DNAH11: variants seen among roughly 807,000 people sequenced by gnomAD.
DNAH11 encodes the protein dynein axonemal heavy chain 11, also known as axonemal beta dynein heavy chain 11.
DNAH11 carries 442 observed loss-of-function variants against 526.0 expected under a neutral mutation model. The observed-to-expected ratio is 0.84, with a 90% CI of 0.78 to 0.91. The LOEUF (loss-of-function observed/expected upper bound fraction) is 0.91. DNAH11 is among the 40% of genes least tolerant of loss of function. The probability of loss-of-function intolerance (pLI) is 0.00; values close to 1 mark genes in which losing one functional copy is unlikely to be tolerated. For synonymous variants in DNAH11, 2,461 were observed against 1,935.9 expected, an observed-to-expected ratio of 1.27 and a Z score of -7.12; for missense variants, 6,989 against 5,448.7, an observed-to-expected ratio of 1.28 and a Z score of -8.90.
intron 65 of DNAH11, among the ~76,000 whole-genome samples, chr7:21,828,783 A>G (rs1443706417): frequency 1.4e-5 from 2 of 146,000 alleles, no homozygotes; most frequent in African/African-American, 5.1e-5. Flanking sequence ...TTTGCTGTAC[A>G]ATGTTACCTG....
chr7:21,810,953 AG>A (rs1164895442), intron 63 of DNAH11, among the ~76,000 whole-genome samples: 1 of 152,244 alleles, frequency 6.6e-6, no homozygotes, highest in Non-Finnish European at 1.5e-5. Context: ...AAGAAGTAAA[AG>A]TAGGAATTCA....
Position 21,861,779 on chromosome 7 carries a change from G to T in DNAH11, c.11203-74G>T, listed in dbSNP as rs905478289. On this transcript the variant is annotated intron_variant, in intron 68 of 81. Coordinates refer to ENST00000409508, the MANE Select transcript of DNAH11 (RefSeq NM_001277115.2). Reference sequence around the variant, plus strand: ...CCCTATAGATAAACCTTAAACTGTTGCCCTGTGTATCGGGGGTAGCTAGAC... The same window carrying T: ...CCCTATAGATAAACCTTAAACTGTTTCCCTGTGTATCGGGGGTAGCTAGAC... 3.8e-6 allele frequency: 6 copies of T among 1,569,200 alleles called. No homozygotes were observed. The African/African-American group carries it at 8.2e-5, about 22-fold the overall frequency.
At chr7:21,735,074 G>A (rs1785544312) in intron 45 of DNAH11, among the ~76,000 whole-genome samples, 1 of 151,878 alleles carries the variant, frequency 6.6e-6, no homozygotes, top group Non-Finnish European at 1.5e-5. Flanking sequence ...GGAGGCTGAA[G>A]TGGGAGAATA....
At chr7:21,669,182 T>C (rs1207630667) in intron 30 of DNAH11, among the ~76,000 whole-genome samples, 2 of 152,112 alleles carry the variant, frequency 1.3e-5, no homozygotes, top group Admixed American at 6.6e-5. Flanking sequence ...GTTGGGTGAT[T>C]TGCCTTATAT....
At chr7:21,633,412 A>G (rs888847896) in intron 25 of DNAH11, among the ~76,000 whole-genome samples, 1 of 152,168 alleles carries the variant, frequency 6.6e-6, no homozygotes, top group African/African-American at 2.4e-5. Context: ...GAATATTGTT[A>G]TCCCCTTCTA....
chr7:21,805,919 G>A (rs1356508564), intron 62 of DNAH11, among the ~76,000 whole-genome samples: 1 of 152,026 alleles, frequency 6.6e-6, no homozygotes, highest in Non-Finnish European at 1.5e-5. Context: ...TGTCTATATC[G>A]CATTGACCTG....
intron 2 of DNAH11, among the ~76,000 whole-genome samples, chr7:21,551,994 G>T (rs1783041854): frequency 6.6e-6 from 1 of 152,148 alleles, no homozygotes; most frequent in Non-Finnish European, 1.5e-5. Flanking sequence ...CCAAAGGTTA[G>T]CTTTCCACTC....
At chr7:21,773,585 G>T (rs1390369085) in intron 55 of DNAH11, among the ~76,000 whole-genome samples, 181 bp from the exon 56 acceptor site, 2 of 151,946 alleles carry the variant, frequency 1.3e-5, no homozygotes, top group Admixed American at 6.6e-5. Context: ...CAAGCTGAAT[G>T]CTTTATTGTA....
chr7:21,617,875 C>T lies in DNAH11; in HGVS notation c.4254+98C>T, dbSNP rs1016740936. 7.1e-6 allele frequency: 9 copies of T among 1,276,596 alleles called. No homozygotes were observed. The Admixed American group carries it at 1.1e-4, about 16-fold the overall frequency. The allele number at this position is 1,276,596 out of a possible 1,614,324, so 79.1% of individuals were successfully genotyped here. A position where few individuals can be genotyped will look rare whatever the true frequency, so the allele number is the denominator to read the frequency against. On this transcript the variant is annotated intron_variant, in intron 23 of 81. Coordinates refer to ENST00000409508, the MANE Select transcript of DNAH11 (RefSeq NM_001277115.2). ...AGATGAAGTGTAATTTATGAAAAGA[C>T]CCCCCTCAGCATAGCCTCTACTTGC...
rs375664853 is a variant in DNAH11, at chr7:21,600,827, A to G, written c.3152A>G (p.His1051Arg). The G allele has an allele frequency of 3.7e-6, 6 of 1,613,926 alleles. No homozygotes were observed. The Admixed American group carries it at 5.0e-5, about 13-fold the overall frequency. The part of the protein sequence containing the change: ...WVDDRAEFMK[H>R]FLLYGHAVSS... Reference sequence around the variant, plus strand: ...GATGATCGAGCTGAGTTTATGAAGCATTTTCTCTTGTATGGCCATGCTGTG... The same window carrying G: ...GATGATCGAGCTGAGTTTATGAAGCGTTTTCTCTTGTATGGCCATGCTGTG... The change falls in exon 16 of 82, where the codon CAT becomes CGT. Residue 1051 changes from histidine (H) to arginine (R), a missense_variant. His to Arg is a conservative substitution (Grantham distance 29). Coordinates refer to ENST00000409508, the MANE Select transcript of DNAH11 (RefSeq NM_001277115.2).
rs148819987 is a variant in DNAH11, at chr7:21,777,064, A to G, written c.9337-1894A>G. On this transcript the variant is annotated intron_variant, in intron 56 of 81. Transcript: ENST00000409508. ...CAGAAAGATCCCATGTTGCCATTTT[A>G]TAACCACACCTACGTTACCCCCCAC... Among the ~76,000 whole-genome samples the G allele has an allele frequency of 4.7e-3, 713 of 152,242 alleles. 6 individuals are homozygous for G. Among genetic ancestry groups the G allele is most frequent in the African/African-American group, 0.017 (691 of 41,536 alleles).
At position 21,749,031 on chromosome 7, in the gene DNAH11, A is replaced by G. The variant is rs570319208; in HGVS notation, c.8673+289A>G. On this transcript the variant is annotated intron_variant, in intron 52 of 81. Coordinates refer to ENST00000409508, the MANE Select transcript of DNAH11 (RefSeq NM_001277115.2). ...TTACACAAATGTCTTTCTGTTTTCT[A>G]TTAATCAAACCTGATGCGTATTGCT... Among the ~76,000 whole-genome samples, 16 of 152,268 alleles carry G rather than the reference A, an allele frequency of 1.1e-4. No individual in the cohort carries two copies. In the South Asian group the frequency reaches 1.9e-3, roughly 18 times the overall value.
intron 1 of DNAH11, 51 bp downstream of exon 1, chr7:21,543,647 G>A (rs1782677475): frequency 3.3e-6 from 5 of 1,534,566 alleles, no homozygotes; most frequent in East Asian, 2.4e-5. Flanking sequence ...ACTACCCAGG[G>A]GAGACAGCCC....
At chr7:21,718,724 C>T (rs1200041584) in intron 43 of DNAH11, among the ~76,000 whole-genome samples, 1 of 152,100 alleles carries the variant, frequency 6.6e-6, no homozygotes, top group Non-Finnish European at 1.5e-5. Flanking sequence ...ATTAGAAACC[C>T]CCACACCCTT....
chr7:21,799,032 C>T (rs1788843346), intron 61 of DNAH11, among the ~76,000 whole-genome samples: 1 of 151,932 alleles, frequency 6.6e-6, no homozygotes, highest in Non-Finnish European at 1.5e-5. Flanking sequence ...AGTTTTGAAA[C>T]CAAAAATTTT....
At chr7:21,641,275 C>A (rs1236630351) in intron 28 of DNAH11, among the ~76,000 whole-genome samples, 1 of 152,164 alleles carries the variant, frequency 6.6e-6, no homozygotes, top group Admixed American at 6.5e-5. Context: ...AGTCTTCTAC[C>A]TTACCCAAAA....
intron 8 of DNAH11, among the ~76,000 whole-genome samples, chr7:21,576,544 G>T (rs924550967): frequency 6.6e-6 from 1 of 152,216 alleles, no homozygotes; most frequent in Admixed American, 6.5e-5. Context: ...ACCCTATCAA[G>T]CAAGTAAGTG....
chr7:21,789,862 C>A (rs1479332760), intron 61 of DNAH11, among the ~76,000 whole-genome samples: 2 of 66,618 alleles, frequency 3.0e-5, no homozygotes, highest in Non-Finnish European at 6.5e-5. Flanking sequence ...CTCTCTCCTT[C>A]CTTCCTTTTC....
chr7:21,592,657 A>G (rs1784731068), intron 14 of DNAH11, among the ~76,000 whole-genome samples: 1 of 152,220 alleles, frequency 6.6e-6, no homozygotes, highest in Non-Finnish European at 1.5e-5. Context: ...AGCCTATGCT[A>G]ATAATCCAGG....
Sources: gnomAD v4.1 joint callset for allele counts (sites outside exome capture counted in the v4.1 genomes callset) on GRCh38, gnomAD v4.1.1 for gene constraint, MANE v1.5 for transcripts, NCBI Gene and HGNC (gene_info 2026-07-23, HGNC 2026-07-21) for gene names.